DSCAML1: variants seen among roughly 807,000 people sequenced by gnomAD.
The protein encoded by DSCAML1 is cell adhesion molecule DSCAML1.
A neutral mutation model predicts 200.5 loss-of-function variants in DSCAML1; 38 were observed. That is an observed-to-expected ratio of 0.19 (90% CI 0.15 to 0.25). The LOEUF is 0.25. DSCAML1 is among the 10% of genes least tolerant of loss of function. The probability of loss-of-function intolerance (pLI) is 1.00; values close to 1 mark genes in which losing one functional copy is unlikely to be tolerated. For missense variants in DSCAML1, 2,223 were observed against 2,858.8 expected (o/e 0.78, Z 5.07); for synonymous variants, 1,215 against 1,165.0 (o/e 1.04, Z -0.87).
chr11:117,431,761 C>T, intron 30 of DSCAML1, 33 bp from the exon 31 acceptor site: 2 of 1,501,462 alleles, frequency 1.3e-6, no homozygotes, highest in Admixed American at 2.0e-5. Context: ...TTGCATCCTC[C>T]AACCAAAGGC....
At chr11:117,432,208 A>ACG in intron 30 of DSCAML1, 144 bp downstream of exon 30, 1 of 957,008 alleles carries the variant, frequency 1.0e-6, no homozygotes, top group Non-Finnish European at 1.5e-6. Context: ...AGGTCTCCAG[A>ACG]CGCTCATTCC....
At chr11:117,614,915 G>A (rs1394858368) in intron 3 of DSCAML1, among the ~76,000 whole-genome samples, 1 of 152,220 alleles carries the variant, frequency 6.6e-6, no homozygotes, top group Non-Finnish European at 1.5e-5. Context: ...AGCCTGACCT[G>A]AGGCTGAGTT....
At chr11:117,617,010 T>G (rs528873948) in intron 3 of DSCAML1, among the ~76,000 whole-genome samples, 1 of 152,336 alleles carries the variant, frequency 6.6e-6, no homozygotes, top group South Asian at 2.1e-4. Context: ...TAAAGATCAT[T>G]CAACTAAATT....
At chr11:117,619,674 A>G (rs2051886730) in intron 3 of DSCAML1, among the ~76,000 whole-genome samples, 2 of 151,248 alleles carry the variant, frequency 1.3e-5, no homozygotes, top group Admixed American at 6.6e-5. Context: ...TGAAGATTTG[A>G]AAAAAAAATG....
upstream of DSCAML1, chr11:117,800,700 C>T (rs2055649159): frequency 6.6e-6 from 1 of 152,020 alleles, no homozygotes; most frequent in African/African-American, 2.4e-5. Context: ...GGCTTTTGTG[C>T]TTTTGTTTTT....
At position 117,716,329 on chromosome 11, in the gene DSCAML1, A is replaced by G. The variant is rs139906634; in HGVS notation, c.511+60462T>C. On this transcript the variant is annotated intron_variant, in intron 3 of 32. Transcript: ENST00000651296. ...AGTTACGTTCCCTCTCTGGGTCTTG[A>G]TTTCCTCATATTTGACCCTTTCTGA... Among the ~76,000 whole-genome samples, 293 of 152,270 alleles carry G rather than the reference A, an allele frequency of 1.9e-3. 1 individual carries two copies. The highest frequency in any genetic ancestry group is 3.7e-3 in the Non-Finnish European group (251 of 68,020).
At chr11:117,623,687 T>C (rs2051986104) in intron 3 of DSCAML1, among the ~76,000 whole-genome samples, 1 of 152,220 alleles carries the variant, frequency 6.6e-6, no homozygotes, top group Non-Finnish European at 1.5e-5. Flanking sequence ...CACCTCATCA[T>C]ATGGTTATAA....
At chr11:117,517,492 C>T (rs565203567) in intron 7 of DSCAML1, among the ~76,000 whole-genome samples, 7 of 152,218 alleles carry the variant, frequency 4.6e-5, no homozygotes, top group South Asian at 4.2e-4. Flanking sequence ...TTCCAGGGCC[C>T]GACTGGGAAA....
chr11:117,621,451 T>A (rs576842949), intron 3 of DSCAML1, among the ~76,000 whole-genome samples: 1 of 152,312 alleles, frequency 6.6e-6, no homozygotes, highest in South Asian at 2.1e-4. Flanking sequence ...GTGCAGCAGA[T>A]CAGCTCTATC....
At chr11:117,599,198 C>T (rs946488440) in intron 3 of DSCAML1, among the ~76,000 whole-genome samples, 11 of 152,078 alleles carry the variant, frequency 7.2e-5, no homozygotes, top group African/African-American at 2.4e-4. Context: ...GAGGAGGGGA[C>T]CCTGGATCCA....
At chr11:117,617,098 G>T (rs1426809806) in intron 3 of DSCAML1, among the ~76,000 whole-genome samples, 1 of 152,218 alleles carries the variant, frequency 6.6e-6, no homozygotes, top group South Asian at 2.1e-4. Flanking sequence ...ACAACAGTAG[G>T]AGGTCAGTAT....
intron 3 of DSCAML1, among the ~76,000 whole-genome samples, chr11:117,689,177 A>G (rs2053455945): frequency 6.6e-6 from 1 of 152,228 alleles, no homozygotes; most frequent in South Asian, 2.1e-4. Flanking sequence ...AGGAATTTGT[A>G]GACAGAGACA....
At position 117,428,449 on chromosome 11, in the gene DSCAML1, C is replaced by T; in HGVS notation, c.6041G>A (p.Gly2014Glu). The T allele has an allele frequency of 2.0e-6, 3 of 1,537,898 alleles. No homozygotes were observed. Among genetic ancestry groups the T allele is most frequent in the Non-Finnish European group, 2.6e-6 (3 of 1,144,458 alleles). ...PAPSTEPPRA[G>E]GPHTKMGGSR... Reference sequence around the variant, plus strand: ...GCCCCCCATTTTGGTGTGTGGGCCCCCGGCTCGTGGAGGCTCGGTGCTGGG... The same window carrying T: ...GCCCCCCATTTTGGTGTGTGGGCCCTCGGCTCGTGGAGGCTCGGTGCTGGG... The change falls in exon 33 of 33, where the codon GGG becomes GAG. Residue 2014 changes from glycine to glutamate, a missense_variant. Gly to Glu is a moderately conservative substitution (Grantham distance 98, BLOSUM62 -2). Around this residue, in one of 7 missense-constraint regions of DSCAML1, gnomAD observed 280 missense variants for 213.4 expected, o/e 1.31. Coordinates refer to ENST00000651296, the MANE Select transcript of DSCAML1 (RefSeq NM_020693.4).
intron 3 of DSCAML1, among the ~76,000 whole-genome samples, chr11:117,553,994 A>C (rs1299457527): frequency 6.6e-6 from 1 of 152,282 alleles, no homozygotes; most frequent in Non-Finnish European, 1.5e-5. Flanking sequence ...AAATTCTGAC[A>C]TATGCTACAA....
intron 3 of DSCAML1, among the ~76,000 whole-genome samples, chr11:117,636,623 T>C (rs2052290945): frequency 6.6e-6 from 1 of 152,158 alleles, no homozygotes; most frequent in Non-Finnish European, 1.5e-5. Flanking sequence ...CCTGCCTCAC[T>C]GAAACCCCCA....
At chr11:117,603,283 C>T (rs1416941638) in intron 3 of DSCAML1, among the ~76,000 whole-genome samples, 1 of 152,192 alleles carries the variant, frequency 6.6e-6, no homozygotes, top group Non-Finnish European at 1.5e-5. Context: ...GACCTTGGTC[C>T]CAGTTTTGCC....
At chr11:117,641,568 G>A (rs2052408418) in intron 3 of DSCAML1, among the ~76,000 whole-genome samples, 1 of 152,140 alleles carries the variant, frequency 6.6e-6, no homozygotes, top group Admixed American at 6.5e-5. Context: ...GTAATTGTCT[G>A]GGAAGGGAAT....
At chr11:117,804,642 A>G (rs986872390) in intron 1 of DSCAML1, among the ~76,000 whole-genome samples, 1 of 152,218 alleles carries the variant, frequency 6.6e-6, no homozygotes, top group Admixed American at 6.5e-5. Context: ...AACTTTAGCA[A>G]TATCTCGTCC....
chr11:117,602,455 G>C (rs2051483494), intron 3 of DSCAML1, among the ~76,000 whole-genome samples: 1 of 152,140 alleles, frequency 6.6e-6, no homozygotes, highest in Admixed American at 6.5e-5. Context: ...CCGCCTCCTA[G>C]GTTCAAGCAA....
Sources: allele counts gnomAD v4.1 joint callset (sites outside exome capture counted in the v4.1 genomes callset), GRCh38; gene constraint gnomAD v4.1.1; regional missense constraint gnomAD v4.1.1; transcripts MANE v1.5; gene names NCBI Gene and HGNC (gene_info 2026-07-23, HGNC 2026-07-21).